The following KLF12 variants were observed in gnomAD, a reference collection of about 807,000 sequenced individuals.
The protein encoded by KLF12 is KLF transcription factor 12, also known as Krueppel-like factor 12.
In KLF12, 9 loss-of-function variants were observed where a neutral mutation model predicts 37.8. The observed-to-expected ratio is 0.24, with a 90% CI of 0.14 to 0.42. KLF12 has a LOEUF of 0.42. KLF12 is among the 10% of genes least tolerant of loss of function. The pLI, the probability that KLF12 is intolerant of heterozygous loss-of-function variation, is 1.00. For synonymous variants in KLF12, 208 were observed against 202.1 expected (o/e 1.03, Z -0.25); for missense variants, 411 against 516.0 (o/e 0.80, Z 1.97).
intron 3 of KLF12, among the ~76,000 whole-genome samples, chr13:73,860,694 T>G (rs1438538075): frequency 6.6e-6 from 1 of 152,126 alleles, no homozygotes; most frequent in African/African-American, 2.4e-5. Flanking sequence ...CACTGAGCTA[T>G]GATTGCATCA....
At chr13:73,794,337 T>C (rs77073295) in intron 5 of KLF12, among the ~76,000 whole-genome samples, 28,310 of 152,180 alleles carry the variant, frequency 0.19, 3,442 homozygotes, top group East Asian at 0.45. Flanking sequence ...GGTATGCGCT[T>C]GTAGTCTTAG....
chr13:73,753,303 C>T (rs964158768), intron 6 of KLF12, among the ~76,000 whole-genome samples: 1 of 152,140 alleles, frequency 6.6e-6, no homozygotes, highest in Admixed American at 6.5e-5. Flanking sequence ...CTGTTTCTAG[C>T]ACCTGGAATA....
At chr13:73,814,688 C>G (rs749792352) in intron 4 of KLF12, among the ~76,000 whole-genome samples, 3 of 151,954 alleles carry the variant, frequency 2.0e-5, no homozygotes, top group Non-Finnish European at 4.4e-5. Flanking sequence ...GGTCCTCAAC[C>G]AAGGGCAAAT....
the KLF12 span, among the ~76,000 whole-genome samples, chr13:74,157,406 C>A: frequency 6.6e-6 from 1 of 152,150 alleles, no homozygotes; most frequent in East Asian, 1.9e-4. Context: ...TGTAACTGAT[C>A]AAGAGCTGAT....
At chr13:73,747,037 G>A (rs111730902) in intron 6 of KLF12, among the ~76,000 whole-genome samples, 1,994 of 151,950 alleles carry the variant, frequency 0.013, 18 homozygotes, top group South Asian at 0.038. Context: ...GGCTGGTCTC[G>A]AACTCCTGAC....
intron 1 of KLF12, among the ~76,000 whole-genome samples, chr13:74,129,942 G>A (rs887318673): frequency 9.2e-5 from 14 of 152,194 alleles, no homozygotes; most frequent in Non-Finnish European, 5.9e-5. Context: ...ACATCAGATG[G>A]GGTGTGGCCG....
At chr13:74,198,914 TCAGCTGTGGAACTA>T in the KLF12 span, among the ~76,000 whole-genome samples, 1 of 152,140 alleles carries the variant, frequency 6.6e-6, no homozygotes, top group African/African-American at 2.4e-5. Flanking sequence ...ACTCCATGAG[TCAGCTGTGGAACTA>T]CAGCAGAGTG....
chr13:73,918,736 T>C (rs1439106105), intron 3 of KLF12, among the ~76,000 whole-genome samples: 1 of 152,184 alleles, frequency 6.6e-6, no homozygotes, highest in Non-Finnish European at 1.5e-5. Context: ...CACCTGATCT[T>C]GAGTTTGGCT....
the KLF12 span, among the ~76,000 whole-genome samples, chr13:74,296,209 A>G: frequency 6.7e-6 from 1 of 149,846 alleles, no homozygotes; most frequent in Non-Finnish European, 1.5e-5. Flanking sequence ...CGATTCCTTG[A>G]TTATTCTTTG....
chr13:74,117,946 A>G (rs867456756), intron 1 of KLF12, among the ~76,000 whole-genome samples: 1 of 151,380 alleles, frequency 6.6e-6, no homozygotes, highest in Non-Finnish European at 1.5e-5. Flanking sequence ...TTTGTATCCT[A>G]AAAGAGAAAG....
At chr13:74,080,823 T>C (rs1435345124) in intron 1 of KLF12, among the ~76,000 whole-genome samples, 2 of 152,154 alleles carry the variant, frequency 1.3e-5, no homozygotes, top group Non-Finnish European at 2.9e-5. Context: ...TTTGACAACA[T>C]CACTAAAAAA....
At chr13:73,760,194 T>TTG (rs1389404885) in intron 6 of KLF12, among the ~76,000 whole-genome samples, 1 of 152,118 alleles carries the variant, frequency 6.6e-6, no homozygotes, top group East Asian at 1.9e-4. Context: ...TGGAGACTTT[T>TTG]TGTGTATATA....
the KLF12 span, among the ~76,000 whole-genome samples, chr13:74,213,553 A>C: frequency 1.3e-5 from 2 of 151,996 alleles, no homozygotes; most frequent in African/African-American, 4.8e-5. Context: ...AATGAAATAC[A>C]TGGATGAAAA....
At chr13:73,799,786 AT>A (rs1233049479) in intron 5 of KLF12, among the ~76,000 whole-genome samples, 2 of 152,080 alleles carry the variant, frequency 1.3e-5, no homozygotes, top group African/African-American at 4.8e-5. Context: ...TTAGTTTTAT[AT>A]TTGCCTCAGA....
the KLF12 span, among the ~76,000 whole-genome samples, chr13:74,143,284 T>A: frequency 6.6e-6 from 1 of 152,154 alleles, no homozygotes; most frequent in Non-Finnish European, 1.5e-5. Flanking sequence ...TTTCCTGGTT[T>A]TTACATTTTA....
rs563854154 is a variant in KLF12, at chr13:73,798,351, T to C, written c.806+14801A>G. Among the ~76,000 whole-genome samples the C allele has an allele frequency of 3.7e-4, 56 of 152,166 alleles. 1 individual carries two copies. In the South Asian group the frequency reaches 0.01, roughly 28 times the overall value. On this transcript the variant is annotated intron_variant, in intron 5 of 7. Coordinates refer to ENST00000377669, the MANE Select transcript of KLF12 (RefSeq NM_007249.5). ...AACCTAGGCAATACCAACCTGGACA[T>C]AGGAATAAGCAAAGATTTAATGACA...
the KLF12 span, among the ~76,000 whole-genome samples, chr13:74,174,194 A>G: frequency 6.6e-6 from 1 of 152,282 alleles, no homozygotes; most frequent in African/African-American, 2.4e-5. Context: ...TCAGGCAGAA[A>G]TGACTTTATA....
intron 1 of KLF12, among the ~76,000 whole-genome samples, chr13:74,024,847 T>C (rs1892934099): frequency 6.6e-6 from 1 of 152,210 alleles, no homozygotes. Context: ...ATTTCAGCTT[T>C]AATATACTTC....
rs146353105 is a variant in KLF12, at chr13:73,714,480, G to A, written c.1027+888C>T. 1.2e-4 allele frequency among the ~76,000 whole-genome samples: 19 copies of A among 152,318 alleles called. No individual in the cohort carries two copies. In the East Asian group the frequency reaches 3.5e-3, roughly 28 times the overall value. ...TGCTGTCAAGGAAAGACGCTGGACT[G>A]GACTTGCTTGCTGTGAGCCATGTTT... On this transcript the variant is annotated intron_variant, in intron 7 of 7. Transcript: ENST00000377669.
Sources: gnomAD v4.1 joint callset for allele counts (sites outside exome capture counted in the v4.1 genomes callset) on GRCh38, gnomAD v4.1.1 for gene constraint, MANE v1.5 for transcripts, NCBI Gene and HGNC (gene_info 2026-07-23, HGNC 2026-07-21) for gene names.